SNED1: variants seen among roughly 807,000 people sequenced by gnomAD.
SNED1 encodes the protein sushi, nidogen and EGF like domains 1.
In SNED1, 81 loss-of-function variants were observed where a neutral mutation model predicts 166.7. The ratio of observed to expected loss-of-function variants is 0.49; its 90% CI spans 0.41 to 0.58. The LOEUF (loss-of-function observed/expected upper bound fraction) is 0.58. SNED1 is among the 20% of genes least tolerant of loss of function. The pLI, the probability that SNED1 is intolerant of heterozygous loss-of-function variation, is 0.00. For missense variants in SNED1, 1,604 were observed against 2,000.2 expected, an observed-to-expected ratio of 0.80 and a Z score of 3.78; for synonymous variants, 762 against 822.0, an observed-to-expected ratio of 0.93 and a Z score of 1.25.
chr2:241,066,850 C>T (rs1436499664), intron 21 of SNED1, among the ~76,000 whole-genome samples: 1 of 152,180 alleles, frequency 6.6e-6, no homozygotes, highest in African/African-American at 2.4e-5. Flanking sequence ...GCATTCAAGG[C>T]AGCTTGAGCC....
chr2:241,048,010 G>A (rs1256577025), intron 8 of SNED1, among the ~76,000 whole-genome samples: 2 of 150,658 alleles, frequency 1.3e-5, no homozygotes, highest in Admixed American at 6.6e-5. Flanking sequence ...CCAATCCTGG[G>A]TGGTCTCTCC....
chr2:241,072,227 C>T, intron 26 of SNED1: 1 of 514,716 alleles, frequency 1.9e-6, no homozygotes, highest in Non-Finnish European at 3.8e-6. Flanking sequence ...TTTAGTAAAC[C>T]ATGGGCAGGA....
chr2:241,047,136 G>A (rs981360505), intron 8 of SNED1, among the ~76,000 whole-genome samples: 47 of 127,562 alleles, frequency 3.7e-4, no homozygotes, highest in African/African-American at 1.3e-3. Flanking sequence ...GCAAGAGAGC[G>A]AGACTCTGTC....
At chr2:241,063,943 C>A in intron 18 of SNED1, 69 bp from the exon 19 acceptor site, 1 of 1,192,662 alleles carries the variant, frequency 8.4e-7, no homozygotes, top group Non-Finnish European at 1.2e-6. Context: ...CCCTTCTTCC[C>A]GCTGTCCTCT....
Position 241,064,753 on chromosome 2 carries a change from G to A in SNED1, c.2600-91G>A. The A allele has an allele frequency of 1.1e-6, 1 of 889,628 alleles. No homozygotes were observed. Among genetic ancestry groups the A allele is most frequent in the Non-Finnish European group, 1.7e-6 (1 of 593,060 alleles). The allele number at this position is 889,628 out of a possible 1,614,324, so 55.1% of individuals were successfully genotyped here. A position where few individuals can be genotyped will look rare whatever the true frequency, so the allele number is the denominator to read the frequency against. ...CCCCCGCCCCTCCACACCCACGCAG[G>A]AGGGACCCAGTGCCCCAGGAGCAAG... On this transcript the variant is annotated intron_variant, in intron 19 of 31. Coordinates refer to ENST00000310397, the MANE Select transcript of SNED1 (RefSeq NM_001080437.3). This position sits in a 1 kb window ranked among gnomAD's most constrained non-coding sequence, Gnocchi z 7.0.
chr2:241,014,592 C>T (rs1390303252), intron 1 of SNED1, among the ~76,000 whole-genome samples: 1 of 152,174 alleles, frequency 6.6e-6, no homozygotes, highest in East Asian at 1.9e-4. Context: ...AGTGTTTTCC[C>T]TCTTTTCTAC....
rs2064220574 is a variant in SNED1 at position 241,094,012 on chromosome 2, G to A, written c.*2376G>A. ...GACTGAGGATTCTACTTAGTCCTCC[G>A]ACTGGGTACAACAACAGCCTAGGTT... On this transcript the variant is annotated 3_prime_UTR_variant, in exon 32 of 32. Coordinates refer to ENST00000310397, the MANE Select transcript of SNED1 (RefSeq NM_001080437.3). This position sits in a 1 kb window ranked among gnomAD's most constrained non-coding sequence, Gnocchi z 4.3. The A allele has an allele frequency of 1.6e-5, 4 of 251,256 alleles. No individual in the cohort carries two copies. Among genetic ancestry groups the A allele is most frequent in the South Asian group, 4.2e-5 (1 of 23,860 alleles). 15.6% of individuals were successfully genotyped at this position (251,256 alleles called of 1,614,324 possible). A position where few individuals can be genotyped will look rare whatever the true frequency, so the allele number is the denominator to read the frequency against.
chr2:241,001,932 G>A (rs2060089012), intron 1 of SNED1, among the ~76,000 whole-genome samples: 1 of 152,116 alleles, frequency 6.6e-6, no homozygotes, highest in African/African-American at 2.4e-5. Context: ...ACTGACCCTC[G>A]CTGGTGCTGG....
intron 31 of SNED1, among the ~76,000 whole-genome samples, chr2:241,090,808 A>G (rs2063910869): frequency 6.6e-6 from 1 of 151,508 alleles, no homozygotes; most frequent in South Asian, 2.1e-4. Context: ...CAGAGGTTGC[A>G]GTGGGCTGAG....
rs1188644116 is a variant in SNED1, at chr2:241,064,576, G to T, written c.2600-268G>T. Among the ~76,000 whole-genome samples the T allele has an allele frequency of 3.9e-5, 6 of 152,206 alleles. No homozygotes were observed. Among genetic ancestry groups the T allele is most frequent in the African/African-American group, 1.4e-4 (6 of 41,450 alleles). ...CTCCTCAAGCAGGACTGTCACTGGG[G>T]TGGTGGCCTGTCCTGTCCTGATCCA... On this transcript the variant is annotated intron_variant, in intron 19 of 31. Coordinates refer to ENST00000310397, the MANE Select transcript of SNED1 (RefSeq NM_001080437.3). This position sits in a 1 kb window ranked among gnomAD's most constrained non-coding sequence, Gnocchi z 7.0.
intron 31 of SNED1, chr2:241,090,068 CT>C: frequency 6.6e-7 from 1 of 1,517,892 alleles, no homozygotes; most frequent in African/African-American, 1.4e-5. Flanking sequence ...TTAACCTTAG[CT>C]TACTGTAACT....
intron 1 of SNED1, among the ~76,000 whole-genome samples, chr2:241,001,241 G>C (rs2060069735): frequency 6.6e-6 from 1 of 152,248 alleles, no homozygotes; most frequent in Non-Finnish European, 1.5e-5. Context: ...TAGGCTTGTT[G>C]TCTGAATGAA....
chr2:241,012,431 C>T (rs779058218), intron 1 of SNED1, among the ~76,000 whole-genome samples: 63 of 152,368 alleles, frequency 4.1e-4, no homozygotes, highest in Middle Eastern at 3.4e-3. Context: ...GCAGCCCCTC[C>T]GGCCTGTGAA....
chr2:241,033,505 G>A lies in SNED1; in HGVS notation c.502-230G>A, dbSNP rs2061251024. On this transcript the variant is annotated intron_variant, in intron 2 of 31. Coordinates refer to ENST00000310397, the MANE Select transcript of SNED1 (RefSeq NM_001080437.3). ...CACCCCAGGTGTTTCACTCACCCCA[G>A]CAATAGTTGTGGGTTGCAGACGGCC... The A allele has an allele frequency of 5.8e-6, 3 of 518,714 alleles. No homozygotes were observed. In the East Asian group the frequency reaches 1.0e-4, roughly 18 times the overall value. The allele number at this position is 518,714 out of a possible 1,614,324, so 32.1% of individuals were successfully genotyped here.
chr2:241,048,685 C>T lies in SNED1; in HGVS notation c.1423C>T (p.Arg475Cys), dbSNP rs267599293. The change falls in exon 10 of 32, where the codon CGC (arginine) becomes TGC (cysteine). Residue 475 changes from arginine to cysteine, a missense_variant. Physicochemically the swap from Arg to Cys is radical, Grantham distance 180 (BLOSUM62 -3). Around this residue, in one of 2 missense-constraint regions of SNED1, gnomAD observed 1,237 missense variants for 1,620.8 expected, o/e 0.76. Transcript: ENST00000310397. ...RERVPDDCEC[R>C]NGGRCLGANT... ...AGGAGTCCCCGATGACTGTGAGTGCCGCAACGGAGGCAGATGCCTGGGCGC... is the reference window on the plus strand; with the variant it reads ...AGGAGTCCCCGATGACTGTGAGTGCTGCAACGGAGGCAGATGCCTGGGCGC... The T allele has an allele frequency of 1.2e-6, 2 of 1,611,714 alleles. No homozygotes were observed. The highest frequency in any genetic ancestry group is 2.7e-5 in the African/African-American group (2 of 74,908).
rs943491932 is a variant in SNED1 at position 241,030,363 on chromosome 2, G to A, written c.293G>A (p.Arg98His). 6 of 1,611,212 alleles carry A rather than the reference G, an allele frequency of 3.7e-6. No homozygotes were observed. The highest frequency in any genetic ancestry group is 1.3e-5 in the African/African-American group (1 of 75,004). ...GTGGCCTTCCCCATTGCCAAGGACCGCTGCGTGGTGGCAGCCTTCTGGGCA... is the reference window on the plus strand; with the variant it reads ...GTGGCCTTCCCCATTGCCAAGGACCACTGCGTGGTGGCAGCCTTCTGGGCA... ...TPVAFPIAKD[R>H]CVVAAFWADV... Residue 98 changes from arginine (R) to histidine (H), a missense_variant, in exon 2 of 32, where the codon CGC becomes CAC. Physicochemically the swap from Arg to His is conservative, Grantham distance 29. Coordinates refer to ENST00000310397, the MANE Select transcript of SNED1 (RefSeq NM_001080437.3).
chr2:241,015,969 A>G (rs2060570754), intron 1 of SNED1: 1 of 150,650 alleles, frequency 6.6e-6, no homozygotes, highest in Non-Finnish European at 1.5e-5. Flanking sequence ...CTTTTATTCC[A>G]TGCCTTCTCT....
In SNED1 at chr2:241,049,900, C is replaced by G; in HGVS notation, c.1702C>G (p.Pro568Ala). 1 of 1,613,758 alleles carries G rather than the reference C, an allele frequency of 6.2e-7. No individual in the cohort carries two copies. Residue 568 changes from proline to alanine, a missense_variant, in exon 12 of 32, where the codon CCG becomes GCG. Physicochemically the swap from Pro to Ala is conservative, Grantham distance 27 (BLOSUM62 -1). Around this residue, in one of 2 missense-constraint regions of SNED1, gnomAD observed 1,237 missense variants for 1,620.8 expected, o/e 0.76. Transcript: ENST00000310397. ...AHDDSYTCECPRGFHGKHCEK... is the reference protein window; with the variant it reads ...AHDDSYTCECARGFHGKHCEK... ...TGACGACTCCTACACCTGCGAGTGC[C>G]CGCGCGGGTTCCACGGCAAGCACTG...
intron 1 of SNED1, among the ~76,000 whole-genome samples, chr2:241,027,653 GTACCATT>G (rs1461689445): frequency 6.6e-6 from 1 of 151,050 alleles, no homozygotes; most frequent in African/African-American, 2.4e-5. Context: ...CACAGCAGTT[GTACCATT>G]TTCCATTCTC....
Sources: gnomAD v4.1 joint callset for allele counts (sites outside exome capture counted in the v4.1 genomes callset) on GRCh38, gnomAD v4.1.1 for gene constraint, gnomAD v4.1.1 regional missense constraint, Gnocchi (gnomAD v3.1) non-coding constraint, MANE v1.5 for transcripts, NCBI Gene and HGNC (gene_info 2026-07-23, HGNC 2026-07-21) for gene names.